Variants in RPS6KA5 observed in about 807,000 individuals in gnomAD.
RPS6KA5 encodes the protein ribosomal protein S6 kinase A5.
A neutral mutation model predicts 85.5 loss-of-function variants in RPS6KA5; 27 were observed. The ratio of observed to expected loss-of-function variants is 0.32; its 90% CI spans 0.23 to 0.44. The LOEUF (loss-of-function observed/expected upper bound fraction) is 0.44. Ranked by LOEUF, RPS6KA5 falls within the 20% of genes least tolerant of loss-of-function variation. The pLI, the probability that RPS6KA5 is intolerant of heterozygous loss-of-function variation, is 1.00. For synonymous variants in RPS6KA5, 334 were observed against 348.2 expected, an observed-to-expected ratio of 0.96 and a Z score of 0.46; for missense variants, 811 against 980.9, an observed-to-expected ratio of 0.83 and a Z score of 2.31.
Position 91,060,254 on chromosome 14 carries a change from C to A in RPS6KA5, c.103+78G>T, listed in dbSNP as rs962056653. ...GCCCACGGCTGCGGCCCCGCGCCCC[C>A]AGCCCCGCGCGGGCACCCGCGTGCC... On this transcript the variant is annotated intron_variant, in intron 1 of 16. Coordinates refer to ENST00000614987, the MANE Select transcript of RPS6KA5 (RefSeq NM_004755.4). 5.0e-6 allele frequency: 5 copies of A among 992,666 alleles called. No homozygotes were observed. The African/African-American group carries it at 8.8e-5, about 17-fold the overall frequency. The allele number at this position is 992,666 out of a possible 1,614,324, so 61.5% of individuals were successfully genotyped here.
intron 7 of RPS6KA5, among the ~76,000 whole-genome samples, chr14:90,915,283 T>C (rs964786217): frequency 3.3e-5 from 5 of 152,188 alleles, no homozygotes; most frequent in Non-Finnish European, 7.3e-5. Flanking sequence ...CACAGCCTCT[T>C]ACCTGTGGGT....
chr14:91,001,238 C>A, intron 1 of RPS6KA5, 79 bp from the exon 2 acceptor site: 1 of 822,386 alleles, frequency 1.2e-6, no homozygotes, highest in Non-Finnish European at 2.0e-6. Context: ...TGTGTACCAG[C>A]GACGCTCTAT....
At chr14:90,906,053 C>T in intron 8 of RPS6KA5, 96 bp downstream of exon 8, 1 of 1,209,256 alleles carries the variant, frequency 8.3e-7, no homozygotes, top group Non-Finnish European at 1.1e-6. Flanking sequence ...GGAAAATGAT[C>T]CCAAAGGGGA....
intron 1 of RPS6KA5, among the ~76,000 whole-genome samples, chr14:91,054,766 C>G (rs2043244071): frequency 6.6e-6 from 1 of 151,490 alleles, no homozygotes; most frequent in Non-Finnish European, 1.5e-5. Flanking sequence ...GCCTGGGCAA[C>G]ATAGCAGGAA....
intron 3 of RPS6KA5, among the ~76,000 whole-genome samples, chr14:90,962,918 A>G (rs985394072): frequency 1.3e-5 from 2 of 152,230 alleles, no homozygotes; most frequent in Non-Finnish European, 2.9e-5. Flanking sequence ...GAACTAGGAC[A>G]TTCCTGCATA....
intron 1 of RPS6KA5, among the ~76,000 whole-genome samples, chr14:91,054,249 C>T (rs1465688189): frequency 6.6e-6 from 1 of 151,796 alleles, no homozygotes; most frequent in Non-Finnish European, 1.5e-5. Flanking sequence ...TAGAAGAAAA[C>T]AGAGACATCA....
intron 1 of RPS6KA5, among the ~76,000 whole-genome samples, chr14:91,028,810 G>A (rs982367211): frequency 1.3e-5 from 2 of 152,100 alleles, no homozygotes; most frequent in East Asian, 1.9e-4. Context: ...GAGCCACTGC[G>A]CCCAGCCTAT....
intron 12 of RPS6KA5, among the ~76,000 whole-genome samples, chr14:90,896,846 G>C (rs947895110): frequency 3.9e-5 from 6 of 152,042 alleles, no homozygotes; most frequent in Admixed American, 1.3e-4. Context: ...TCAGCCTCCA[G>C]AGTAGCTAGG....
At position 90,856,360 on chromosome 14, in the gene RPS6KA5, ATTT is replaced by A. The variant is rs756400550; in HGVS notation, c.*15711_*15713del. Reference sequence around the variant, plus strand: ...GCTACAGCCTTTCTAGCTATGCGTGATTTTTTTTTTTTTTTTTTTTGAGACGGA... The same window carrying A: ...GCTACAGCCTTTCTAGCTATGCGTGATTTTTTTTTTTTTTTTTGAGACGGA... On this transcript the variant is annotated 3_prime_UTR_variant, in exon 17 of 17. Transcript: ENST00000614987. 119 of 126,596 alleles carry A rather than the reference ATTT, an allele frequency of 9.4e-4. No homozygotes were observed. Among genetic ancestry groups the A allele is most frequent in the Non-Finnish European group, 1.5e-3 (92 of 63,046 alleles). 7.8% of individuals were successfully genotyped at this position (126,596 alleles called of 1,614,324 possible). A position where few individuals can be genotyped will look rare whatever the true frequency, so the allele number is the denominator to read the frequency against.
intron 5 of RPS6KA5, among the ~76,000 whole-genome samples, chr14:90,926,562 T>C (rs866452656): frequency 6.6e-6 from 1 of 152,054 alleles, no homozygotes; most frequent in Non-Finnish European, 1.5e-5. Flanking sequence ...TGCTGTCTTA[T>C]AATAATTCAC....
Position 90,868,876 on chromosome 14 carries a change from C to T in RPS6KA5, c.*3198G>A, listed in dbSNP as rs890742239. Reference sequence around the variant, plus strand: ...CTTATATTTAAAAGTTAGTCATTTACATACTTAAGAAATCAACAGTAATCT... The same window carrying T: ...CTTATATTTAAAAGTTAGTCATTTATATACTTAAGAAATCAACAGTAATCT... On this transcript the variant is annotated 3_prime_UTR_variant, in exon 17 of 17. Coordinates refer to ENST00000614987, the MANE Select transcript of RPS6KA5 (RefSeq NM_004755.4). The T allele has an allele frequency of 1.3e-5, 2 of 152,078 alleles. No individual in the cohort carries two copies. Among genetic ancestry groups the T allele is most frequent in the African/African-American group, 4.8e-5 (2 of 41,424 alleles). 9.4% of individuals were successfully genotyped at this position (152,078 alleles called of 1,614,324 possible).
chr14:91,008,070 T>C (rs2041104988), intron 1 of RPS6KA5, among the ~76,000 whole-genome samples: 1 of 152,244 alleles, frequency 6.6e-6, no homozygotes, highest in South Asian at 2.1e-4. Context: ...GATGTTTAAC[T>C]TGGAACTTCC....
intron 1 of RPS6KA5, among the ~76,000 whole-genome samples, chr14:91,016,602 A>G (rs112027845): frequency 0.01 from 1,585 of 152,234 alleles, 11 homozygotes; most frequent in South Asian, 0.016. Flanking sequence ...GATAAGATCA[A>G]TATTTAAATC....
chr14:91,020,433 T>C (rs951229335), intron 1 of RPS6KA5, among the ~76,000 whole-genome samples: 2 of 152,160 alleles, frequency 1.3e-5, no homozygotes, highest in African/African-American at 4.8e-5. Context: ...ATAGATTATA[T>C]GCAAATACTA....
intron 3 of RPS6KA5, among the ~76,000 whole-genome samples, chr14:90,972,811 G>C (rs1277424697): frequency 1.3e-5 from 2 of 151,956 alleles, no homozygotes; most frequent in Non-Finnish European, 2.9e-5. Context: ...AAAATACATG[G>C]GAAACGGGAA....
At chr14:91,002,249 T>C (rs2040824662) in intron 1 of RPS6KA5, among the ~76,000 whole-genome samples, 2 of 152,098 alleles carry the variant, frequency 1.3e-5, no homozygotes, top group Middle Eastern at 3.2e-3. Flanking sequence ...ATGCATTTTT[T>C]AAAATAAGAT....
intron 1 of RPS6KA5, among the ~76,000 whole-genome samples, chr14:91,056,580 G>A (rs900764745): frequency 3.9e-5 from 6 of 152,284 alleles, no homozygotes; most frequent in East Asian, 3.9e-4. Flanking sequence ...ACAAAATACA[G>A]ACAATGCTAA....
At chr14:91,054,170 A>C (rs535904685) in intron 1 of RPS6KA5, among the ~76,000 whole-genome samples, 1 of 152,340 alleles carries the variant, frequency 6.6e-6, no homozygotes, top group African/African-American at 2.4e-5. Context: ...TCACTACCTC[A>C]CATGATATCC....
At chr14:90,914,417 C>T (rs1314822678) in intron 7 of RPS6KA5, among the ~76,000 whole-genome samples, 11 of 144,200 alleles carry the variant, frequency 7.6e-5, no homozygotes, top group African/African-American at 2.6e-5. Flanking sequence ...AGGGTTCCAA[C>T]GATTCTCCTG....
Sources: gnomAD v4.1 joint callset for allele counts (sites outside exome capture counted in the v4.1 genomes callset) on GRCh38, gnomAD v4.1.1 for gene constraint, MANE v1.5 for transcripts, NCBI Gene and HGNC (gene_info 2026-07-23, HGNC 2026-07-21) for gene names.